SLC24A2: variants seen among roughly 807,000 people sequenced by gnomAD.
SLC24A2 encodes sodium/potassium/calcium exchanger 2.
SLC24A2 carries 36 observed loss-of-function variants against 62.0 expected under a neutral mutation model. The observed-to-expected ratio is 0.58, with a 90% CI of 0.44 to 0.77. The LOEUF is 0.77. SLC24A2 is among the 30% of genes least tolerant of loss of function. The pLI is 0.00. For synonymous variants in SLC24A2, 358 were observed against 294.0 expected (o/e 1.22, Z -2.23); for missense variants, 846 against 817.9 (o/e 1.03, Z -0.42).
the SLC24A2 span, among the ~76,000 whole-genome samples, chr9:19,848,259 G>T: frequency 1.3e-5 from 2 of 152,150 alleles, no homozygotes; most frequent in African/African-American, 4.8e-5. Context: ...CAACCAAGAG[G>T]AAGCACTGAT....
chr9:19,766,780 A>C (rs1283975184), intron 2 of SLC24A2, among the ~76,000 whole-genome samples: 3 of 152,196 alleles, frequency 2.0e-5, no homozygotes, highest in Non-Finnish European at 2.9e-5. Flanking sequence ...TCAGCGACCC[A>C]CTTGAGGAGG....
the SLC24A2 span, among the ~76,000 whole-genome samples, chr9:20,034,463 T>G: frequency 7.2e-6 from 1 of 139,148 alleles, no homozygotes; most frequent in South Asian, 2.5e-4. Flanking sequence ...TTTTTTTTTT[T>G]TTTTTTTTTT....
At chr9:20,109,875 G>T in the SLC24A2 span, among the ~76,000 whole-genome samples, 1 of 152,026 alleles carries the variant, frequency 6.6e-6, no homozygotes, top group African/African-American at 2.4e-5. Context: ...CAGTCATATG[G>T]GATGCCACTT....
At chr9:20,112,633 G>T in the SLC24A2 span, among the ~76,000 whole-genome samples, 1 of 152,080 alleles carries the variant, frequency 6.6e-6, no homozygotes, top group Non-Finnish European at 1.5e-5. Context: ...TAACCCCAGG[G>T]TGTCAGTGTA....
At chr9:20,050,773 A>G in the SLC24A2 span, among the ~76,000 whole-genome samples, 3 of 152,300 alleles carry the variant, frequency 2.0e-5, no homozygotes, top group South Asian at 6.2e-4. Context: ...TTCACTAACA[A>G]CACACAATCA....
chr9:19,749,465 A>G (rs1017008732), intron 2 of SLC24A2, among the ~76,000 whole-genome samples: 2 of 152,160 alleles, frequency 1.3e-5, no homozygotes, highest in African/African-American at 4.8e-5. Context: ...GGAGAACCAG[A>G]GCTCAGCCAC....
At chr9:20,175,522 C>G in the SLC24A2 span, among the ~76,000 whole-genome samples, 1 of 151,902 alleles carries the variant, frequency 6.6e-6, no homozygotes, top group African/African-American at 2.4e-5. Flanking sequence ...TATATTTTAG[C>G]ACAGTTTTTA....
At chr9:19,965,370 G>T in the SLC24A2 span, among the ~76,000 whole-genome samples, 1 of 152,106 alleles carries the variant, frequency 6.6e-6, no homozygotes, top group African/African-American at 2.4e-5. Flanking sequence ...AGTCTGAGTG[G>T]GTCTTGTGGT....
At chr9:19,854,505 C>T in the SLC24A2 span, among the ~76,000 whole-genome samples, 1 of 152,134 alleles carries the variant, frequency 6.6e-6, no homozygotes, top group African/African-American at 2.4e-5. Context: ...TCTTTGTTCT[C>T]ATTAGTTTCA....
the SLC24A2 span, among the ~76,000 whole-genome samples, chr9:20,087,578 C>T: frequency 6.6e-6 from 1 of 152,168 alleles, no homozygotes; most frequent in Non-Finnish European, 1.5e-5. Context: ...CTGTCTTGTT[C>T]CACAGGAGGC....
At position 19,786,918 on chromosome 9, in the gene SLC24A2, T is replaced by A; in HGVS notation, c.-52A>T. ...TCTTCCAACTTTAGACTCAACCAGA[T>A]GGTTCTTTCATACTTTTCCTTACTT... On this transcript the variant is annotated 5_prime_UTR_variant, in exon 2 of 11. Coordinates refer to ENST00000341998, the MANE Select transcript of SLC24A2 (RefSeq NM_020344.4). This position sits in a 1 kb window ranked among gnomAD's most constrained non-coding sequence, Gnocchi z 5.0. 6.3e-7 allele frequency: 1 copy of A among 1,594,192 alleles called. No individual in the cohort carries two copies. Among genetic ancestry groups the A allele is most frequent in the Non-Finnish European group, 8.5e-7 (1 of 1,176,562 alleles).
At chr9:19,929,686 AT>A in the SLC24A2 span, 3 of 152,428 alleles carry the variant, frequency 2.0e-5, no homozygotes, top group Admixed American at 2.0e-4. Context: ...ATTAAAAAAA[AT>A]GTTAACTATA....
the SLC24A2 span, among the ~76,000 whole-genome samples, chr9:19,855,596 C>T: frequency 1.3e-5 from 2 of 152,102 alleles, no homozygotes; most frequent in African/African-American, 4.8e-5. Context: ...TTCTTTTCTT[C>T]AAGAATGTTG....
At chr9:19,696,431 G>C (rs1469468836) in intron 2 of SLC24A2, among the ~76,000 whole-genome samples, 3 of 152,154 alleles carry the variant, frequency 2.0e-5, no homozygotes, top group Admixed American at 1.3e-4. Context: ...CATTTGCACA[G>C]CTCCTCCATT....
chr9:19,820,042 CATATATATATATACACATATATATAT>C, the SLC24A2 span, among the ~76,000 whole-genome samples: 36 of 32,860 alleles, frequency 1.1e-3, no homozygotes, highest in Non-Finnish European at 2.5e-3. Context: ...TATATATATA[CATATATATATATACACATATATATAT>C]ATATATATAT....
chr9:19,568,673 G>C (rs559012832), intron 7 of SLC24A2, among the ~76,000 whole-genome samples: 1 of 152,202 alleles, frequency 6.6e-6, no homozygotes, highest in Non-Finnish European at 1.5e-5. Flanking sequence ...TTTGAATTCA[G>C]GTGGTCCATC....
At chr9:19,719,404 T>G (rs1344474685) in intron 2 of SLC24A2, among the ~76,000 whole-genome samples, 1 of 152,188 alleles carries the variant, frequency 6.6e-6, no homozygotes, top group African/African-American at 2.4e-5. Flanking sequence ...ACATCATGTT[T>G]TGCTTTATCT....
intron 7 of SLC24A2, among the ~76,000 whole-genome samples, chr9:19,560,946 GAC>G (rs1835368972): frequency 1.4e-5 from 2 of 138,244 alleles, no homozygotes; most frequent in African/African-American, 2.7e-5. Context: ...GAGAGAGAGA[GAC>G]AGAGTCTTAC....
At chr9:20,184,171 C>A in the SLC24A2 span, among the ~76,000 whole-genome samples, 2 of 152,160 alleles carry the variant, frequency 1.3e-5, no homozygotes, top group African/African-American at 4.8e-5. Flanking sequence ...AAAAAATGCT[C>A]AGCCACATTA....
Sources: gnomAD v4.1 joint callset for allele counts (sites outside exome capture counted in the v4.1 genomes callset) on GRCh38, gnomAD v4.1.1 for gene constraint, Gnocchi (gnomAD v3.1) non-coding constraint, MANE v1.5 for transcripts, NCBI Gene and HGNC (gene_info 2026-07-23, HGNC 2026-07-21) for gene names.